GNG2: variants seen among roughly 807,000 people sequenced by gnomAD.
GNG2 encodes the protein guanine nucleotide-binding protein G(I)/G(S)/G(O) subunit gamma-2.
A neutral mutation model predicts 5.5 loss-of-function variants in GNG2; 5 were observed. That is an observed-to-expected ratio of 0.91 (90% CI 0.48 to 1.92). The LOEUF is 1.92. Among genes scored for constraint, GNG2 ranks in the 30% most tolerant of loss-of-function variants. The pLI is 0.01. For synonymous variants in GNG2, 28 were observed against 32.0 expected (o/e 0.88, Z 0.42); for missense variants, 55 against 88.4 (o/e 0.62, Z 1.52).
At chr14:51,865,606 A>G (rs1882824303) in intron 1 of GNG2, among the ~76,000 whole-genome samples, 1 of 152,132 alleles carries the variant, frequency 6.6e-6, no homozygotes, top group African/African-American at 2.4e-5. Context: ...CAGTTCATTA[A>G]TTCCTCACCT....
chr14:51,873,337 G>T (rs1253636503), intron 1 of GNG2, among the ~76,000 whole-genome samples: 1 of 152,212 alleles, frequency 6.6e-6, no homozygotes, highest in East Asian at 1.9e-4. Context: ...GGTGCATGTT[G>T]TTACCATGGT....
chr14:51,960,840 A>G (rs1008601512), intron 3 of GNG2, among the ~76,000 whole-genome samples: 1 of 152,126 alleles, frequency 6.6e-6, no homozygotes, highest in Non-Finnish European at 1.5e-5. Flanking sequence ...CTCTGGCCCT[A>G]TGTGATCTCC....
intron 2 of GNG2, among the ~76,000 whole-genome samples, chr14:51,928,622 T>C (rs779680762): frequency 7.9e-5 from 12 of 152,124 alleles, no homozygotes; most frequent in African/African-American, 1.4e-4. Flanking sequence ...AAAAAAACAC[T>C]GTAATGTCAT....
At chr14:51,937,799 CA>C (rs1011945601) in intron 2 of GNG2, among the ~76,000 whole-genome samples, 1 of 152,070 alleles carries the variant, frequency 6.6e-6, no homozygotes, top group African/African-American at 2.4e-5. Context: ...AATTGGGAAA[CA>C]AGTGTGTTAC....
intron 3 of GNG2, among the ~76,000 whole-genome samples, chr14:51,964,227 G>T (rs1326244822): frequency 6.6e-6 from 1 of 152,170 alleles, no homozygotes; most frequent in African/African-American, 2.4e-5. Flanking sequence ...GGCACTAGGA[G>T]AGAAGCATGG....
chr14:51,889,510 C>T (rs867398718), intron 2 of GNG2, among the ~76,000 whole-genome samples: 5 of 152,088 alleles, frequency 3.3e-5, no homozygotes, highest in African/African-American at 9.7e-5. Flanking sequence ...TGTATACCTT[C>T]AAAGTGAATT....
intron 2 of GNG2, among the ~76,000 whole-genome samples, chr14:51,906,310 T>C (rs1885913172): frequency 6.6e-6 from 1 of 152,254 alleles, no homozygotes; most frequent in Non-Finnish European, 1.5e-5. Flanking sequence ...ATACATTTTA[T>C]GTACCATACT....
intron 2 of GNG2, among the ~76,000 whole-genome samples, chr14:51,939,207 T>C (rs1213047108): frequency 6.6e-6 from 1 of 152,206 alleles, no homozygotes; most frequent in African/African-American, 2.4e-5. Context: ...CTCCCATTTA[T>C]AGATACAAGC....
chr14:51,957,131 A>G (rs1206593936), intron 3 of GNG2, among the ~76,000 whole-genome samples: 1 of 148,808 alleles, frequency 6.7e-6, no homozygotes, highest in Non-Finnish European at 1.5e-5. Flanking sequence ...TGTGATCAAA[A>G]GTGAAGTCCT....
intron 3 of GNG2, among the ~76,000 whole-genome samples, chr14:51,952,525 G>A (rs1488573748): frequency 6.6e-6 from 1 of 152,158 alleles, no homozygotes; most frequent in Non-Finnish European, 1.5e-5. Flanking sequence ...CTGCCCATGG[G>A]CCTTCTGGAA....
chr14:51,911,778 G>A (rs1269433276), intron 2 of GNG2, among the ~76,000 whole-genome samples: 2 of 147,564 alleles, frequency 1.4e-5, no homozygotes, highest in East Asian at 4.3e-4. Flanking sequence ...CAAACTCCTA[G>A]CCTCCAGTGA....
chr14:51,950,382 C>A (rs7150643), intron 2 of GNG2, among the ~76,000 whole-genome samples: 6,859 of 152,188 alleles, frequency 0.045, 510 homozygotes, highest in African/African-American at 0.16. Flanking sequence ...GGGTTTGAGC[C>A]CACTGGGAGA....
chr14:51,936,258 A>T (rs940527512), intron 2 of GNG2, among the ~76,000 whole-genome samples: 8 of 152,198 alleles, frequency 5.3e-5, no homozygotes, highest in Non-Finnish European at 1.0e-4. Flanking sequence ...CCTGCTAAAC[A>T]CTTAGATTTA....
At chr14:51,962,470 T>C (rs182543062) in intron 3 of GNG2, among the ~76,000 whole-genome samples, 30 of 152,296 alleles carry the variant, frequency 2.0e-4, no homozygotes, top group Admixed American at 1.2e-3. Context: ...CCATTTGAGG[T>C]TAGTGAAAAA....
chr14:51,871,554 A>G (rs1883298745), intron 1 of GNG2, among the ~76,000 whole-genome samples: 1 of 152,240 alleles, frequency 6.6e-6, no homozygotes, highest in Non-Finnish European at 1.5e-5. Flanking sequence ...CACAAAACTG[A>G]CAGGAGAAAA....
At chr14:51,903,463 A>G (rs1486745329) in intron 2 of GNG2, among the ~76,000 whole-genome samples, 1 of 152,240 alleles carries the variant, frequency 6.6e-6, no homozygotes, top group Non-Finnish European at 1.5e-5. Context: ...ATGTGGTTTG[A>G]GCAAGGGCGT....
At chr14:51,891,870 G>A (rs1884877159) in intron 2 of GNG2, among the ~76,000 whole-genome samples, 1 of 152,192 alleles carries the variant, frequency 6.6e-6, no homozygotes, top group South Asian at 2.1e-4. Flanking sequence ...TTGCTCTGAT[G>A]CACGATGCTG....
At chr14:51,944,648 C>G (rs1045102829) in intron 2 of GNG2, among the ~76,000 whole-genome samples, 1 of 152,128 alleles carries the variant, frequency 6.6e-6, no homozygotes, top group African/African-American at 2.4e-5. Flanking sequence ...CAAAAATGAA[C>G]TTAAAATGGA....
At chr14:51,854,662 G>A (rs1303138196) in intron 2 of GNG2, among the ~76,000 whole-genome samples, 3 of 151,768 alleles carry the variant, frequency 2.0e-5, no homozygotes, top group South Asian at 2.1e-4. Flanking sequence ...ACAGGTACCC[G>A]CCACCACGCC....
Sources: allele counts gnomAD v4.1 joint callset (sites outside exome capture counted in the v4.1 genomes callset), GRCh38; gene constraint gnomAD v4.1.1; transcripts MANE v1.5; gene names NCBI Gene and HGNC (gene_info 2026-07-23, HGNC 2026-07-21).